AMER3: variants seen among roughly 807,000 people sequenced by gnomAD.
AMER3 encodes family with sequence similarity 123C.
For synonymous variants in AMER3, 541 were observed against 485.5 expected (o/e 1.11, Z -1.50); for missense variants, 1,201 against 1,139.4 (o/e 1.05, Z -0.78).
chr2:130,762,596 C>G lies in AMER3; in HGVS notation c.524C>G (p.Ala175Gly), dbSNP rs772346033. Residue 175 changes from alanine to glycine, a missense_variant, in exon 2 of 2, where the codon GCC becomes GGC. Ala to Gly is a moderately conservative substitution (Grantham distance 60, BLOSUM62 0). Coordinates refer to ENST00000321420, the MANE Select transcript of AMER3 (RefSeq NM_152698.3). ...HIRRNKTEDL[A>G]SLAAEGKSLP... ...CGGAGAAACAAGACTGAGGACTTGG[C>G]CTCGCTGGCGGCCGAGGGGAAAAGC... is the stretch of plus-strand genomic sequence containing the variant. The G allele has an allele frequency of 6.2e-7, 1 of 1,613,004 alleles. No homozygotes were observed. Among genetic ancestry groups the G allele is most frequent in the Non-Finnish European group, 8.5e-7 (1 of 1,179,990 alleles).
rs1295109784 is a variant in AMER3, at chr2:130,764,165, G to A, written c.2093G>A (p.Arg698Lys). 6.2e-7 allele frequency: 1 copy of A among 1,608,908 alleles called. No individual in the cohort carries two copies. The highest frequency in any genetic ancestry group is 1.1e-5 in the South Asian group (1 of 90,590). Residue 698 changes from arginine to lysine, a missense_variant, in exon 2 of 2, where the codon AGG (arginine) becomes AAG (lysine). Physicochemically the swap from Arg to Lys is conservative, Grantham distance 26. Coordinates refer to ENST00000321420, the MANE Select transcript of AMER3 (RefSeq NM_152698.3). Reference protein sequence around the residue: ...NEQPPAAWPPRQDMGSGLFGQ... With the variant: ...NEQPPAAWPPKQDMGSGLFGQ... ...CAGCCCCCGGCCGCATGGCCTCCAA[G>A]GCAAGACATGGGCAGTGGGCTCTTT...
chr2:130,757,303 A>C (rs1678641854), intron 1 of AMER3, among the ~76,000 whole-genome samples: 1 of 152,196 alleles, frequency 6.6e-6, no homozygotes, highest in African/African-American at 2.4e-5. Context: ...CGTGTAAAAC[A>C]CTGTGATGGG....
Position 130,762,609 on chromosome 2 carries a change from C to T in AMER3, c.537C>T (p.Ala179=), listed in dbSNP as rs1204443975. The T allele has an allele frequency of 6.8e-6, 11 of 1,612,510 alleles. No homozygotes were observed. Among genetic ancestry groups the T allele is most frequent in the South Asian group, 4.4e-5 (4 of 91,070 alleles). The change falls in exon 2 of 2, where the codon GCC becomes GCT. Residue 179 remains alanine (A), a synonymous_variant. Coordinates refer to ENST00000321420, the MANE Select transcript of AMER3 (RefSeq NM_152698.3). ...CTGAGGACTTGGCCTCGCTGGCGGC[C>T]GAGGGGAAAAGCCTGCCCTCCCCAG... ...NKTEDLASLA[A]EGKSLPSPGD... is the part of the protein sequence containing the mutation.
At chr2:130,759,163 C>G (rs1016406482) in intron 1 of AMER3, among the ~76,000 whole-genome samples, 6 of 152,220 alleles carry the variant, frequency 3.9e-5, no homozygotes, top group African/African-American at 1.2e-4. Flanking sequence ...CATTCTGTAT[C>G]CTACACTTAT....
In AMER3 at chr2:130,763,048, G is replaced by A; in HGVS notation, c.976G>A (p.Gly326Ser). Residue 326 changes from glycine (G) to serine (S), a missense_variant, in exon 2 of 2, where the codon GGC (glycine) becomes AGC (serine). Transcript: ENST00000321420. ...GCGTCAGCAGCAGCGTGCCCTCCTA[G>A]GCCCGTGGCTTTCAGGCCCCCAGGG... ...SVRQQQRALL[G>S]PWLSGPQGTD... 1 of 1,613,068 alleles carries A rather than the reference G, an allele frequency of 6.2e-7. No individual in the cohort carries two copies. Among genetic ancestry groups the A allele is most frequent in the Admixed American group, 1.7e-5 (1 of 59,994 alleles).
rs973917344 is a variant in AMER3, at chr2:130,762,265, T to C, written c.193T>C (p.Cys65Arg). 1.9e-6 allele frequency: 3 copies of C among 1,580,268 alleles called. No homozygotes were observed. In the Admixed American group the frequency reaches 5.6e-5, roughly 30 times the overall value. ...CCCCAGTGCCCAAGAATACGACAGA[T>C]GCCCCAACAAAGGGGCGCAGCTGGA... ...ASPSAQEYDRCPNKGAQLDPK... is the reference protein window; with the variant it reads ...ASPSAQEYDRRPNKGAQLDPK... The change falls in exon 2 of 2, where the codon TGC becomes CGC. Residue 65 changes from cysteine to arginine, a missense_variant. Cys to Arg is a radical substitution (Grantham distance 180). Transcript: ENST00000321420.
Position 130,764,341 on chromosome 2 carries a change from G to A in AMER3, c.2269G>A (p.Val757Met). The A allele has an allele frequency of 6.2e-7, 1 of 1,610,376 alleles. No homozygotes were observed. The highest frequency in any genetic ancestry group is 1.1e-5 in the South Asian group (1 of 90,970). ...TGTCCAGGACCTGAGCTGGCTCAGG[G>A]TGGAGCCCACCGGGCTAGGTGTCCA... ...DRVQDLSWLRVEPTGLGVQAW... is the reference protein window; with the variant it reads ...DRVQDLSWLRMEPTGLGVQAW... Residue 757 changes from valine to methionine, a missense_variant, in exon 2 of 2, where the codon GTG (valine) becomes ATG (methionine). Physicochemically the swap from Val to Met is conservative, Grantham distance 21 (BLOSUM62 1). Transcript: ENST00000321420.
Position 130,763,279 on chromosome 2 carries a change from G to A in AMER3, c.1207G>A (p.Glu403Lys). 6.2e-7 allele frequency: 1 copy of A among 1,613,798 alleles called. No individual in the cohort carries two copies. The highest frequency in any genetic ancestry group is 8.5e-7 in the Non-Finnish European group (1 of 1,180,026). ...ACTTGAGGAGGACAAGAAGGAAGCT[G>A]AGAGCCCAGGCACTCCTGCCGCCAC... ...PGLEEDKKEA[E>K]SPGTPAATFP... The change falls in exon 2 of 2, where the codon GAG becomes AAG. Residue 403 changes from glutamate (E) to lysine (K), a missense_variant. Glu to Lys is a moderately conservative substitution (Grantham distance 56). Transcript: ENST00000321420.
At chr2:130,759,956 G>A (rs1256790085) in intron 1 of AMER3, among the ~76,000 whole-genome samples, 2 of 152,228 alleles carry the variant, frequency 1.3e-5, no homozygotes, top group African/African-American at 4.8e-5. Flanking sequence ...ACAGCTTGGA[G>A]AGTAAGCCCT....
At position 130,764,746 on chromosome 2, in the gene AMER3, G is replaced by T; in HGVS notation, c.*88G>T. On this transcript the variant is annotated 3_prime_UTR_variant, in exon 2 of 2. Coordinates refer to ENST00000321420, the MANE Select transcript of AMER3 (RefSeq NM_152698.3). ...ACTCAAATCTCTATCTTTTGTCCCT[G>T]ATGTGGGGACTGTGTTGGGGGTGGG... The T allele has an allele frequency of 2.2e-6, 3 of 1,387,336 alleles. No homozygotes were observed. Among genetic ancestry groups the T allele is most frequent in the Non-Finnish European group, 1.9e-6 (2 of 1,038,070 alleles). 85.9% of individuals were successfully genotyped at this position (1,387,336 alleles called of 1,614,324 possible).
chr2:130,757,139 T>C (rs560604335), intron 1 of AMER3, among the ~76,000 whole-genome samples: 14 of 152,172 alleles, frequency 9.2e-5, no homozygotes, highest in African/African-American at 3.4e-4. Flanking sequence ...CCGGGACACT[T>C]TCAGGTTAAG....
intron 1 of AMER3, among the ~76,000 whole-genome samples, chr2:130,757,815 C>A (rs1558964146): frequency 6.6e-6 from 1 of 152,180 alleles, no homozygotes; most frequent in African/African-American, 2.4e-5. Flanking sequence ...GCCCAGGGTC[C>A]TGGTGTCAAT....
Position 130,764,231 on chromosome 2 carries a change from A to G in AMER3, c.2159A>G (p.Lys720Arg), listed in dbSNP as rs1484459127. 1 of 1,610,322 alleles carries G rather than the reference A, an allele frequency of 6.2e-7. No individual in the cohort carries two copies. Residue 720 changes from lysine (K) to arginine (R), a missense_variant, in exon 2 of 2, where the codon AAA becomes AGA. Lys to Arg is a conservative substitution (Grantham distance 26). Coordinates refer to ENST00000321420, the MANE Select transcript of AMER3 (RefSeq NM_152698.3). ...AGGGGCCCTGACATGCTGGAGCAGA[A>G]ACAGTCCAGCAGCTCCCCCAGCATG... is the stretch of plus-strand genomic sequence containing the variant. Reference protein sequence around the residue: ...WARGPDMLEQKQSSSSPSMTT... With the variant: ...WARGPDMLEQRQSSSSPSMTT...
In AMER3 at chr2:130,763,593, C is replaced by T; in HGVS notation, c.1521C>T (p.Gly507=). The T allele has an allele frequency of 6.2e-7, 1 of 1,606,816 alleles. No individual in the cohort carries two copies. ...ACACTGAGCTCGCCATCACCATGGG[C>T]ATCGTCAGCTGGCTGCGCCGAGGCC... ...LCDTELAITM[G]IVSWLRRGPT... Residue 507 remains glycine (G), a synonymous_variant, in exon 2 of 2, where the codon GGC becomes GGT. Coordinates refer to ENST00000321420, the MANE Select transcript of AMER3 (RefSeq NM_152698.3).
At position 130,764,408 on chromosome 2, in the gene AMER3, C is replaced by G; in HGVS notation, c.2336C>G (p.Thr779Arg). 1 of 1,611,844 alleles carries G rather than the reference C, an allele frequency of 6.2e-7. No homozygotes were observed. The highest frequency in any genetic ancestry group is 8.5e-7 in the Non-Finnish European group (1 of 1,179,440). The change falls in exon 2 of 2, where the codon ACA becomes AGA. Residue 779 changes from threonine (T) to arginine (R), a missense_variant. Coordinates refer to ENST00000321420, the MANE Select transcript of AMER3 (RefSeq NM_152698.3). ...GAGGACCAGCCCTTGCAGCTCAGCA[C>G]AGAGGCTGTGGAGCAGGTGGCACAC... Reference protein sequence around the residue: ...SVEDQPLQLSTEAVEQVAHGS... With the variant: ...SVEDQPLQLSREAVEQVAHGS...
rs771080069 is a variant in AMER3 at position 130,763,242 on chromosome 2, C to G, written c.1170C>G (p.Ser390=). The change falls in exon 2 of 2, where the codon TCC becomes TCG. Residue 390 remains serine, a synonymous_variant. Coordinates refer to ENST00000321420, the MANE Select transcript of AMER3 (RefSeq NM_152698.3). ...VSTSDEGYYD[S]FSPGLEEDKK... is the part of the protein sequence containing the mutation. ...CAAGTGACGAGGGCTACTATGATTC[C>G]TTCTCGCCAGGACTTGAGGAGGACA... is the stretch of plus-strand genomic sequence containing the variant. The G allele has an allele frequency of 3.1e-6, 5 of 1,613,784 alleles. No individual in the cohort carries two copies. Among genetic ancestry groups the G allele is most frequent in the Non-Finnish European group, 4.2e-6 (5 of 1,180,034 alleles).
At chr2:130,759,971 T>C (rs1322423305) in intron 1 of AMER3, among the ~76,000 whole-genome samples, 1 of 152,216 alleles carries the variant, frequency 6.6e-6, no homozygotes, top group Admixed American at 6.5e-5. Flanking sequence ...AGCCCTGTGC[T>C]GTGTGCAGCA....
Position 130,763,566 on chromosome 2 carries a change from T to G in AMER3, c.1494T>G (p.Cys498Trp), listed in dbSNP as rs554251959. 1 of 1,612,116 alleles carries G rather than the reference T, an allele frequency of 6.2e-7. No homozygotes were observed. The highest frequency in any genetic ancestry group is 1.3e-5 in the African/African-American group (1 of 75,048). ...GCAAGGAGTGCCTGCTGAAGCTGTG[T>G]GACACTGAGCTCGCCATCACCATGG... ...WKGKECLLKLCDTELAITMGI... is the reference protein window; with the variant it reads ...WKGKECLLKLWDTELAITMGI... The change falls in exon 2 of 2, where the codon TGT (cysteine) becomes TGG (tryptophan). Residue 498 changes from cysteine to tryptophan, a missense_variant. By Grantham distance (215) the Cys-to-Trp change is radical. Transcript: ENST00000321420.
rs1437694818 is a variant in AMER3, at chr2:130,763,853, C to T, written c.1781C>T (p.Thr594Ile). Residue 594 changes from threonine to isoleucine, a missense_variant, in exon 2 of 2, where the codon ACA becomes ATA. By Grantham distance (89) the Thr-to-Ile change is moderately conservative (BLOSUM62 -1). Coordinates refer to ENST00000321420, the MANE Select transcript of AMER3 (RefSeq NM_152698.3). Reference sequence around the variant, plus strand: ...GGAGGGGCCACACAAGGGACTGGCACACTGTCCAGGGATGCCTCTCGAGAG... The same window carrying T: ...GGAGGGGCCACACAAGGGACTGGCATACTGTCCAGGGATGCCTCTCGAGAG... ...ALGGATQGTG[T>I]LSRDASREEE... 1.2e-6 allele frequency: 2 copies of T among 1,613,282 alleles called. No individual in the cohort carries two copies. Among genetic ancestry groups the T allele is most frequent in the Non-Finnish European group, 1.7e-6 (2 of 1,180,030 alleles).
Sources: gnomAD v4.1 joint callset for allele counts (sites outside exome capture counted in the v4.1 genomes callset) on GRCh38, gnomAD v4.1.1 for gene constraint, MANE v1.5 for transcripts, NCBI Gene and HGNC (gene_info 2026-07-23, HGNC 2026-07-21) for gene names.